The following OSBPL9 variants were observed in gnomAD, a reference collection of about 807,000 sequenced individuals.
OSBPL9 encodes the protein oxysterol binding protein like 9.
OSBPL9 carries 40 observed loss-of-function variants against 106.6 expected under a neutral mutation model. The ratio of observed to expected loss-of-function variants is 0.38; its 90% confidence interval spans 0.29 to 0.49. OSBPL9 has a LOEUF of 0.49. OSBPL9 is among the 20% of genes least tolerant of loss of function. The pLI, the probability that OSBPL9 is intolerant of heterozygous loss-of-function variation, is 0.97. For missense variants in OSBPL9, 609 were observed against 887.2 expected, an observed-to-expected ratio of 0.69 and a Z score of 3.98; for synonymous variants, 269 against 295.4, an observed-to-expected ratio of 0.91 and a Z score of 0.92.
chr1:51,525,725 A>T, the OSBPL9 span, among the ~76,000 whole-genome samples: 11 of 152,102 alleles, frequency 7.2e-5, no homozygotes, highest in African/African-American at 2.7e-4. Context: ...CCCTACTTCC[A>T]TGATTTTGCC....
intron 4 of OSBPL9, among the ~76,000 whole-genome samples, chr1:51,721,118 T>C (rs1662041286): frequency 6.6e-6 from 1 of 151,932 alleles, no homozygotes; most frequent in Non-Finnish European, 1.5e-5. Context: ...ATTTCATTGG[T>C]ACTGCCTGTA....
rs1486167759 is a variant in OSBPL9 at position 51,756,465 on chromosome 1, C to T, written c.582+107C>T. 4 of 1,052,920 alleles carry T rather than the reference C, an allele frequency of 3.8e-6. No individual in the cohort carries two copies. In the Admixed American group the frequency reaches 6.4e-5, roughly 17 times the overall value. The allele number at this position is 1,052,920 out of a possible 1,614,324, so 65.2% of individuals were successfully genotyped here. On this transcript the variant is annotated intron_variant, in intron 9 of 23. Transcript: ENST00000428468. ...TACTCATTTTTCAATGCCAACTACT[C>T]ACTGCTTTTTGTTGTTGACTCTTGC...
Position 51,785,651 on chromosome 1 carries a change from T to C in OSBPL9, c.1830-157T>C, listed in dbSNP as rs1677431912. On this transcript the variant is annotated intron_variant, in intron 20 of 23. Transcript: ENST00000428468. ...GTCCTGTTGAAGGCCCTCATTCTTA[T>C]AGTTAGCCCTGGGGAGTCCAGTTCT... is the stretch of plus-strand genomic sequence containing the variant. 8.3e-6 allele frequency: 5 copies of C among 603,728 alleles called. No homozygotes were observed. The Admixed American group carries it at 9.9e-5, about 12-fold the overall frequency. 37.4% of individuals were successfully genotyped at this position (603,728 alleles called of 1,614,324 possible).
At chr1:51,732,531 A>G (rs2148949611) in intron 4 of OSBPL9, among the ~76,000 whole-genome samples, 1 of 152,314 alleles carries the variant, frequency 6.6e-6, no homozygotes, top group African/African-American at 2.4e-5. Context: ...ATGAAGTTCT[A>G]CCACACACAG....
the OSBPL9 span, among the ~76,000 whole-genome samples, chr1:51,554,374 T>C: frequency 6.6e-6 from 1 of 152,104 alleles, no homozygotes; most frequent in South Asian, 2.1e-4. Flanking sequence ...TTAATAAACA[T>C]GAAGAGTAAA....
At chr1:51,624,967 C>T (rs538445384) in intron 1 of OSBPL9, among the ~76,000 whole-genome samples, 4 of 152,272 alleles carry the variant, frequency 2.6e-5, no homozygotes, top group South Asian at 2.1e-4. Flanking sequence ...CCTTCTAATT[C>T]GAATTATAGG....
the OSBPL9 span, among the ~76,000 whole-genome samples, chr1:51,549,320 C>T: frequency 6.6e-6 from 1 of 152,150 alleles, no homozygotes; most frequent in East Asian, 1.9e-4. Flanking sequence ...CTTTAAGAGC[C>T]GCCTCAAAAC....
intron 1 of OSBPL9, among the ~76,000 whole-genome samples, chr1:51,587,877 C>T (rs1352720298): frequency 6.6e-6 from 1 of 152,240 alleles, no homozygotes; most frequent in Non-Finnish European, 1.5e-5. Context: ...CTCACCACTC[C>T]ACTGAGTTGT....
At position 51,752,741 on chromosome 1, in the gene OSBPL9, G is replaced by C. The variant is rs980918957; in HGVS notation, c.543+2546G>C. ...TCTTTCCTTGGTGAGTATGCACAGA[G>C]AGAGGGAGCGTGCACGTGTGAGATA... On this transcript the variant is annotated intron_variant, in intron 8 of 23. Transcript: ENST00000428468. The C allele has an allele frequency of 9.2e-6, 3 of 327,604 alleles. No individual in the cohort carries two copies. The East Asian group carries it at 2.3e-4, about 25-fold the overall frequency. 20.3% of individuals were successfully genotyped at this position (327,604 alleles called of 1,614,324 possible).
intron 1 of OSBPL9, among the ~76,000 whole-genome samples, chr1:51,624,670 A>G (rs1172586627): frequency 6.6e-6 from 1 of 152,240 alleles, no homozygotes; most frequent in Non-Finnish European, 1.5e-5. Flanking sequence ...GATAGTGAGT[A>G]GTATCAGTGG....
intron 4 of OSBPL9, among the ~76,000 whole-genome samples, chr1:51,735,700 G>A (rs1278082542): frequency 3.3e-5 from 5 of 152,240 alleles, no homozygotes. Context: ...GAGATGCTCA[G>A]TGAATAAGTA....
chr1:51,573,493 C>T (rs1273229072), upstream of OSBPL9, among the ~76,000 whole-genome samples: 1 of 98,186 alleles, frequency 1.0e-5, no homozygotes, highest in Non-Finnish European at 1.9e-5. Flanking sequence ...GGGAAACAAG[C>T]ATGAAACTCC....
At chr1:51,628,274 T>A (rs557841434) in intron 1 of OSBPL9, among the ~76,000 whole-genome samples, 1 of 152,338 alleles carries the variant, frequency 6.6e-6, no homozygotes, top group African/African-American at 2.4e-5. Flanking sequence ...ATACATGATA[T>A]TCTACAACCT....
chr1:51,784,679 G>A, intron 20 of OSBPL9, 97 bp downstream of exon 20: 1 of 1,383,500 alleles, frequency 7.2e-7, no homozygotes, highest in Admixed American at 2.1e-5. Context: ...TGAAAGAATG[G>A]TTCTGTCTTT....
intron 2 of OSBPL9, among the ~76,000 whole-genome samples, chr1:51,602,257 C>T (rs1557581470): frequency 6.6e-6 from 1 of 151,644 alleles, no homozygotes; most frequent in South Asian, 2.1e-4. Context: ...ATCCGCCCGC[C>T]GCGGCCTCCC....
At chr1:51,518,780 C>CG in the OSBPL9 span, among the ~76,000 whole-genome samples, 2 of 151,640 alleles carry the variant, frequency 1.3e-5, no homozygotes, top group Non-Finnish European at 2.9e-5. Context: ...TCGTGCGGCC[C>CG]GGGGGTGCGG....
chr1:51,551,580 T>C, the OSBPL9 span, among the ~76,000 whole-genome samples: 1 of 151,954 alleles, frequency 6.6e-6, no homozygotes, highest in Non-Finnish European at 1.5e-5. Flanking sequence ...ATTTATTTAT[T>C]TATTTATTTA....
chr1:51,717,725 A>C (rs1356253862), intron 4 of OSBPL9, among the ~76,000 whole-genome samples: 1 of 150,804 alleles, frequency 6.6e-6, no homozygotes, highest in Non-Finnish European at 1.5e-5. Flanking sequence ...ACTGGTGAGG[A>C]TGTGGAGTAA....
At chr1:51,735,000 A>G (rs1665337945) in intron 4 of OSBPL9, among the ~76,000 whole-genome samples, 1 of 152,230 alleles carries the variant, frequency 6.6e-6, no homozygotes, top group Admixed American at 6.5e-5. Context: ...TTTTCTGGTT[A>G]TTCTCCATTT....
Sources: allele counts gnomAD v4.1 joint callset (sites outside exome capture counted in the v4.1 genomes callset), GRCh38; gene constraint gnomAD v4.1.1; transcripts MANE v1.5; gene names NCBI Gene and HGNC (gene_info 2026-07-23, HGNC 2026-07-21).